The following MAK variants were observed in gnomAD, a reference collection of about 807,000 sequenced individuals.
MAK encodes male germ cell associated kinase, also known as serine/threonine-protein kinase MAK.
MAK carries 65 observed loss-of-function variants against 82.6 expected under a neutral mutation model. That is an observed-to-expected ratio of 0.79 (90% CI 0.64 to 0.97). The LOEUF (loss-of-function observed/expected upper bound fraction) is 0.97. MAK is among the 50% of genes least tolerant of loss of function. The probability of loss-of-function intolerance (pLI) is 0.00; values close to 1 mark genes in which losing one functional copy is unlikely to be tolerated. For synonymous variants in MAK, 250 were observed against 274.2 expected (o/e 0.91, Z 0.87); for missense variants, 703 against 780.2 (o/e 0.90, Z 1.18).
chr6:10,823,736 G>T (rs1778134121), intron 2 of MAK, among the ~76,000 whole-genome samples: 2 of 151,870 alleles, frequency 1.3e-5, no homozygotes, highest in South Asian at 2.1e-4. Flanking sequence ...CACCTTGTTG[G>T]CCAGGCTGGT....
chr6:10,802,274 C>G, intron 7 of MAK: 1 of 513,678 alleles, frequency 1.9e-6, no homozygotes, highest in Non-Finnish European at 3.4e-6. Flanking sequence ...GGAAACAATG[C>G]GAAAAGCACT....
intron 11 of MAK, among the ~76,000 whole-genome samples, chr6:10,784,155 G>A (rs960852623): frequency 3.3e-5 from 5 of 152,058 alleles, no homozygotes; most frequent in Non-Finnish European, 5.9e-5. Flanking sequence ...TTTACTGAAT[G>A]CATAGCTTTG....
At chr6:10,775,235 T>G in intron 12 of MAK, 93 bp downstream of exon 12, 1 of 1,434,158 alleles carries the variant, frequency 7.0e-7, no homozygotes, top group Non-Finnish European at 9.7e-7. Context: ...CAAGTGCACA[T>G]GTATCTTGGT....
At chr6:10,798,683 T>C (rs183934513) in intron 8 of MAK, among the ~76,000 whole-genome samples, 2 of 152,136 alleles carry the variant, frequency 1.3e-5, no homozygotes, top group Non-Finnish European at 1.5e-5. Flanking sequence ...ATTTGTATAA[T>C]AGTATTTTAG....
intron 9 of MAK, among the ~76,000 whole-genome samples, chr6:10,794,240 A>G (rs958146888): frequency 1.3e-5 from 2 of 152,052 alleles, no homozygotes; most frequent in Non-Finnish European, 2.9e-5. Flanking sequence ...ACTCCCCAGG[A>G]CCCCAGAGGT....
chr6:10,813,873 A>G, intron 4 of MAK, 150 bp from the exon 5 acceptor site: 2 of 668,024 alleles, frequency 3.0e-6, no homozygotes, highest in Non-Finnish European at 5.4e-6. Flanking sequence ...TAAAGCTCAC[A>G]CATTTAAAAC....
chr6:10,773,034 C>T lies in MAK; in HGVS notation c.1672G>A (p.Gly558Arg), dbSNP rs1773157143. The T allele has an allele frequency of 2.0e-6, 3 of 1,525,850 alleles. No individual in the cohort carries two copies. The highest frequency in any genetic ancestry group is 3.9e-5 in the Admixed American group (2 of 50,902). The allele number at this position is 1,525,850 out of a possible 1,614,324, so 94.5% of individuals were successfully genotyped here. A position where few individuals can be genotyped will look rare whatever the true frequency, so the allele number is the denominator to read the frequency against. ...CATTCATCTGACGCCCAGAAATTACCTTGTGGGTCCTCTAATTTTTCAGGA... is the reference window on the plus strand; with the variant it reads ...CATTCATCTGACGCCCAGAAATTACTTTGTGGGTCCTCTAATTTTTCAGGA... ...TFPEKLEDPQ[G>R]NLGSYATYNQ... is the part of the protein sequence containing the mutation. Residue 558 changes from glycine (G) to arginine (R), a missense_variant and splice_region_variant, in exon 13 of 15, where the codon GGA becomes AGA. Physicochemically the swap from Gly to Arg is moderately radical, Grantham distance 125. Transcript: ENST00000354489.
chr6:10,821,847 T>TAAAAAAAAA, intron 2 of MAK, among the ~76,000 whole-genome samples: 1 of 130,022 alleles, frequency 7.7e-6, no homozygotes, highest in South Asian at 2.5e-4. Context: ...CTTTGTCTCT[T>TAAAAAAAAA]AAAAAAAAAA....
intron 10 of MAK, chr6:10,785,007 A>G (rs1774412249): frequency 2.2e-6 from 1 of 457,000 alleles, no homozygotes; most frequent in African/African-American, 2.0e-5. Flanking sequence ...GAAGTGCTAG[A>G]AAAGCTCCCG....
intron 4 of MAK, among the ~76,000 whole-genome samples, chr6:10,816,828 A>G (rs535128780): frequency 6.6e-6 from 1 of 152,286 alleles, no homozygotes; most frequent in East Asian, 1.9e-4. Flanking sequence ...ATTATTTATA[A>G]CTATAAAGAC....
chr6:10,765,913 T>C (rs1413729952), intron 14 of MAK, among the ~76,000 whole-genome samples: 1 of 152,222 alleles, frequency 6.6e-6, no homozygotes, highest in African/African-American at 2.4e-5. Context: ...TGTGAAAAAT[T>C]TAAAATTTCT....
At chr6:10,803,572 T>C in intron 7 of MAK, 148 bp downstream of exon 7, 1 of 645,050 alleles carries the variant, frequency 1.6e-6, no homozygotes. Context: ...TATAAGAAAA[T>C]TAATCATTAA....
intron 2 of MAK, among the ~76,000 whole-genome samples, chr6:10,825,427 A>G (rs778681754): frequency 4.7e-5 from 7 of 150,424 alleles, no homozygotes; most frequent in Non-Finnish European, 7.4e-5. Flanking sequence ...GTAAGATCCT[A>G]TTCCAGGGCC....
chr6:10,822,629 C>G (rs1778047312), intron 2 of MAK, among the ~76,000 whole-genome samples: 1 of 152,062 alleles, frequency 6.6e-6, no homozygotes, highest in South Asian at 2.1e-4. Context: ...AAAGGTAAAC[C>G]AATTGCTTAG....
At chr6:10,805,761 C>T (rs1459948985) in intron 6 of MAK, among the ~76,000 whole-genome samples, 2 of 152,098 alleles carry the variant, frequency 1.3e-5, no homozygotes, top group African/African-American at 4.8e-5. Context: ...TTTTTACAAG[C>T]TTTATTGATA....
intron 1 of MAK, among the ~76,000 whole-genome samples, chr6:10,832,875 C>T (rs1778908994): frequency 6.6e-6 from 1 of 152,168 alleles, no homozygotes; most frequent in African/African-American, 2.4e-5. Context: ...AAATAGACTA[C>T]AGTATAATGT....
chr6:10,833,592 G>A (rs1222200178), intron 1 of MAK, among the ~76,000 whole-genome samples: 9 of 144,208 alleles, frequency 6.2e-5, no homozygotes, highest in Non-Finnish European at 1.1e-4. Flanking sequence ...GCAACAGTGC[G>A]AGACTCTGTC....
intron 2 of MAK, among the ~76,000 whole-genome samples, chr6:10,830,311 G>A (rs552890177): frequency 2.7e-4 from 41 of 150,762 alleles, no homozygotes; most frequent in Middle Eastern, 6.8e-3. Flanking sequence ...GATTACAGGC[G>A]CGTGCCACCA....
chr6:10,784,551 T>C lies in MAK; in HGVS notation c.1338A>G (p.Ser446=), dbSNP rs763420270. The C allele has an allele frequency of 1.9e-6, 3 of 1,614,092 alleles. No homozygotes were observed. The highest frequency in any genetic ancestry group is 1.7e-5 in the Admixed American group (1 of 59,988). The change falls in exon 11 of 15, where the codon TCA becomes TCG. Residue 446 remains serine, a synonymous_variant. Coordinates refer to ENST00000354489, the MANE Select transcript of MAK (RefSeq NM_001242957.3). The part of the protein sequence containing the change: ...SPFRLPEPVP[S]GSNHSTGENK... ...TTTCCCCTGTCGAGTGGTTGGAGCC[T>C]GAGGGTACTGGCTCTGGAAGCCTTG...
Sources: allele counts gnomAD v4.1 joint callset (sites outside exome capture counted in the v4.1 genomes callset), GRCh38; gene constraint gnomAD v4.1.1; transcripts MANE v1.5; gene names NCBI Gene and HGNC (gene_info 2026-07-23, HGNC 2026-07-21).